Variants in PIEZO2 observed in about 807,000 individuals in gnomAD.
The protein encoded by PIEZO2 is piezo-type mechanosensitive ion channel component 2.
Under a neutral mutation model 337.3 loss-of-function variants are expected in PIEZO2, and 172 were observed. The observed-to-expected ratio is 0.51, with a 90% CI of 0.45 to 0.58. The LOEUF is 0.58. Ranked by LOEUF, PIEZO2 falls within the 20% of genes least tolerant of loss-of-function variation. The probability of loss-of-function intolerance (pLI) is 0.00; values close to 1 mark genes in which losing one functional copy is unlikely to be tolerated. For missense variants in PIEZO2, 3,028 were observed against 3,391.3 expected (o/e 0.89, Z 2.66); for synonymous variants, 1,251 against 1,228.5 (o/e 1.02, Z -0.38).
intron 2 of PIEZO2, among the ~76,000 whole-genome samples, chr18:10,998,435 T>C (rs1364382741): frequency 6.6e-6 from 1 of 152,120 alleles, no homozygotes; most frequent in Non-Finnish European, 1.5e-5. Context: ...AAAAAATCTC[T>C]CTTTTTTGGA....
At chr18:10,770,762 T>C (rs1183880800) in intron 20 of PIEZO2, among the ~76,000 whole-genome samples, 1 of 146,608 alleles carries the variant, frequency 6.8e-6, no homozygotes. Flanking sequence ...TTCCTTTTTC[T>C]GACAGAGTCT....
chr18:10,685,931 C>T (rs1026134505), intron 49 of PIEZO2, among the ~76,000 whole-genome samples: 3 of 150,538 alleles, frequency 2.0e-5, no homozygotes, highest in African/African-American at 7.3e-5. Flanking sequence ...ATGGTGATGG[C>T]TCTTTGCCAC....
intron 3 of PIEZO2, among the ~76,000 whole-genome samples, chr18:10,917,313 G>C (rs1036661627): frequency 6.6e-6 from 1 of 152,096 alleles, no homozygotes; most frequent in Non-Finnish European, 1.5e-5. Context: ...CCTTAGACAA[G>C]TTACCCTTCA....
intron 49 of PIEZO2, among the ~76,000 whole-genome samples, chr18:10,688,619 G>A (rs1347579807): frequency 1.3e-5 from 2 of 152,048 alleles, no homozygotes; most frequent in Admixed American, 6.5e-5. Flanking sequence ...TCTTAATTCT[G>A]TTTTTCTTAA....
intron 7 of PIEZO2, among the ~76,000 whole-genome samples, chr18:10,843,772 C>G (rs2041265904): frequency 6.6e-6 from 1 of 152,188 alleles, no homozygotes; most frequent in African/African-American, 2.4e-5. Flanking sequence ...CAGCAGTGCT[C>G]CCTGCCAGGG....
rs1470065777 is a variant in PIEZO2 at position 11,080,802 on chromosome 18, C to A, written c.65-14580G>T. ...GAGGTCACGGTGAGCCAAGATGGTG[C>A]CACTGCACCCCAGCCTGGCGACAGA... On this transcript the variant is annotated intron_variant, in intron 1 of 55. Transcript: ENST00000674853. The surrounding 1 kb of genome is among the most constrained non-coding windows in gnomAD (Gnocchi z 5.4). Among the ~76,000 whole-genome samples the A allele has an allele frequency of 1.3e-5, 2 of 152,142 alleles. No homozygotes were observed. Among genetic ancestry groups the A allele is most frequent in the Admixed American group, 1.3e-4 (2 of 15,276 alleles).
chr18:10,717,157 A>C lies in PIEZO2; in HGVS notation c.5089+1043T>G, dbSNP rs183730822. On this transcript the variant is annotated intron_variant, in intron 37 of 55. Coordinates refer to ENST00000674853, the MANE Select transcript of PIEZO2 (RefSeq NM_001378183.1). ...AAGTCGGTTAATCTCTCTCTGCCTC[A>C]GTTCCCTGTTTTGAGAGAGTTAAAC... Among the ~76,000 whole-genome samples the C allele has an allele frequency of 2.0e-5, 3 of 152,342 alleles. No individual in the cohort carries two copies. In the East Asian group the frequency reaches 5.8e-4, roughly 29 times the overall value.
intron 4 of PIEZO2, among the ~76,000 whole-genome samples, chr18:10,890,276 A>T (rs967004472): frequency 6.6e-6 from 1 of 152,238 alleles, no homozygotes; most frequent in Non-Finnish European, 1.5e-5. Context: ...TGTAATCCAC[A>T]GTACACATTT....
At chr18:10,892,410 G>A (rs146202824) in intron 4 of PIEZO2, among the ~76,000 whole-genome samples, 42 of 152,270 alleles carry the variant, frequency 2.8e-4, no homozygotes, top group African/African-American at 9.9e-4. Context: ...CCATTCACAT[G>A]ACAATCCAGA....
In PIEZO2 at chr18:11,080,680, C is replaced by T. The variant is rs2038706423; in HGVS notation, c.65-14458G>A. 6.6e-6 allele frequency among the ~76,000 whole-genome samples: 1 copy of T among 152,148 alleles called. No individual in the cohort carries two copies. Among genetic ancestry groups the T allele is most frequent in the Non-Finnish European group, 1.5e-5 (1 of 68,028 alleles). ...CCAACACGGTGAAACCCCGTCTCTA[C>T]TAAAAATACAAAAATTAGCCGGGTG... On this transcript the variant is annotated intron_variant, in intron 1 of 55. Transcript: ENST00000674853. The surrounding 1 kb of genome is among the most constrained non-coding windows in gnomAD (Gnocchi z 5.4).
intron 20 of PIEZO2, among the ~76,000 whole-genome samples, chr18:10,771,346 T>G (rs993941345): frequency 2.0e-5 from 3 of 152,258 alleles, no homozygotes; most frequent in African/African-American, 7.2e-5. Context: ...ATGATAATTT[T>G]TAATCAAATT....
rs1159348070 is a variant in PIEZO2, at chr18:11,110,139, T to C, written c.64+38386A>G. 6.6e-6 allele frequency among the ~76,000 whole-genome samples: 1 copy of C among 152,164 alleles called. No individual in the cohort carries two copies. The highest frequency in any genetic ancestry group is 1.5e-5 in the Non-Finnish European group (1 of 68,036). On this transcript the variant is annotated intron_variant, in intron 1 of 55. Transcript: ENST00000674853. The surrounding 1 kb of genome is among the most constrained non-coding windows in gnomAD (Gnocchi z 4.2). ...TTTCCTTTTCTTTTTAAAATTCTTA[T>C]TTAAAGACAGCATCTTACTCTATCA...
intron 20 of PIEZO2, among the ~76,000 whole-genome samples, chr18:10,771,724 C>T (rs1449400637): frequency 1.3e-5 from 2 of 152,172 alleles, no homozygotes; most frequent in Non-Finnish European, 2.9e-5. Context: ...TGGAAAATTC[C>T]AGAAATGATT....
intron 4 of PIEZO2, among the ~76,000 whole-genome samples, chr18:10,876,593 A>G (rs2042275737): frequency 6.6e-6 from 1 of 152,138 alleles, no homozygotes; most frequent in Non-Finnish European, 1.5e-5. Flanking sequence ...CCAACTACCC[A>G]TCCGTTCACT....
intron 2 of PIEZO2, among the ~76,000 whole-genome samples, chr18:11,054,603 A>T (rs902706683): frequency 6.6e-6 from 1 of 152,240 alleles, no homozygotes; most frequent in Non-Finnish European, 1.5e-5. Context: ...ATGTATTAAC[A>T]TAAAACCCTG....
intron 3 of PIEZO2, among the ~76,000 whole-genome samples, chr18:10,913,209 AAT>A (rs1049083687): frequency 7.9e-5 from 12 of 152,286 alleles, no homozygotes; most frequent in Admixed American, 6.5e-4. Flanking sequence ...ATTCTCAGAC[AAT>A]TATCCTGCCC....
chr18:11,057,197 TC>T (rs1177859814), intron 2 of PIEZO2, among the ~76,000 whole-genome samples: 3 of 152,022 alleles, frequency 2.0e-5, no homozygotes, highest in Non-Finnish European at 4.4e-5. Flanking sequence ...CCCCTTTGGC[TC>T]CCCCCAGCCT....
In PIEZO2 at chr18:11,077,506, C is replaced by CA. The variant is rs397728593; in HGVS notation, c.65-11285dup. 3.3e-5 allele frequency among the ~76,000 whole-genome samples: 5 copies of CA among 151,986 alleles called. No individual in the cohort carries two copies. Among genetic ancestry groups the CA allele is most frequent in the Middle Eastern group, 3.4e-3 (1 of 294 alleles). ...ACATAGTGAGACCCCCATCTCCACA[C>CA]AAAAAAAGAAAAAACTAGCTGGGCA... is the stretch of plus-strand genomic sequence containing the variant. On this transcript the variant is annotated intron_variant, in intron 1 of 55. Coordinates refer to ENST00000674853, the MANE Select transcript of PIEZO2 (RefSeq NM_001378183.1). This position sits in a 1 kb window ranked among gnomAD's most constrained non-coding sequence, Gnocchi z 4.8.
rs2040456999 is a variant in PIEZO2, at chr18:10,819,418, C to T, written c.918-12144G>A. On this transcript the variant is annotated intron_variant, in intron 7 of 55. Transcript: ENST00000674853. The surrounding 1 kb of genome is among the most constrained non-coding windows in gnomAD (Gnocchi z 4.3). ...AAGATTTTAGATTACAGTTATTAAT[C>T]AATGGAAAGAATAATGCTGAAGATA... Among the ~76,000 whole-genome samples, 1 of 152,082 alleles carries T rather than the reference C, an allele frequency of 6.6e-6. No homozygotes were observed.
Sources: allele counts gnomAD v4.1 joint callset (sites outside exome capture counted in the v4.1 genomes callset), GRCh38; gene constraint gnomAD v4.1.1; non-coding constraint Gnocchi (gnomAD v3.1); transcripts MANE v1.5; gene names NCBI Gene and HGNC (gene_info 2026-07-23, HGNC 2026-07-21).